Variants in F13A1 observed in about 807,000 individuals in gnomAD.
The protein encoded by F13A1 is FSF, A subunit.
Under a neutral mutation model 80.1 loss-of-function variants are expected in F13A1, and 47 were observed. The ratio of observed to expected loss-of-function variants is 0.59; its 90% CI spans 0.46 to 0.75. F13A1 has a LOEUF of 0.75. Ranked by LOEUF, F13A1 falls within the 30% of genes least tolerant of loss-of-function variation. The pLI, the probability that F13A1 is intolerant of heterozygous loss-of-function variation, is 0.00. For missense variants in F13A1, 817 were observed against 930.4 expected (o/e 0.88, Z 1.59); for synonymous variants, 349 against 344.9 (o/e 1.01, Z -0.13).
intron 13 of F13A1, among the ~76,000 whole-genome samples, chr6:6,157,983 T>A (rs574994080): frequency 6.6e-6 from 1 of 152,150 alleles, no homozygotes; most frequent in Non-Finnish European, 1.5e-5. Flanking sequence ...GGCTCACTCA[T>A]AGACATAGTT....
intron 8 of F13A1, among the ~76,000 whole-genome samples, chr6:6,217,613 G>T (rs1035342802): frequency 3.9e-5 from 6 of 151,988 alleles, no homozygotes; most frequent in African/African-American, 1.5e-4. Context: ...CACCAGCATG[G>T]CACATGTATA....
intron 3 of F13A1, among the ~76,000 whole-genome samples, chr6:6,283,592 G>A (rs73718707): frequency 0.027 from 4,078 of 151,496 alleles, 176 homozygotes; most frequent in African/African-American, 0.09. Flanking sequence ...AGTTTGTTTC[G>A]AAATTTAAAA....
chr6:6,160,916 A>T (rs1270458880), intron 13 of F13A1, among the ~76,000 whole-genome samples: 1 of 151,936 alleles, frequency 6.6e-6, no homozygotes, highest in African/African-American at 2.4e-5. Flanking sequence ...TTTAAAAATC[A>T]CACACATAAA....
intron 4 of F13A1, among the ~76,000 whole-genome samples, chr6:6,251,146 T>C (rs1207934723): frequency 2.6e-5 from 4 of 152,238 alleles, no homozygotes; most frequent in Non-Finnish European, 5.9e-5. Flanking sequence ...TGACATTTGT[T>C]AGCAAAATGC....
intron 14 of F13A1, among the ~76,000 whole-genome samples, chr6:6,146,718 G>A (rs1423322880): frequency 6.6e-6 from 1 of 152,158 alleles, no homozygotes; most frequent in Non-Finnish European, 1.5e-5. Context: ...CACATAATTG[G>A]TAAATGGGCA....
chr6:6,175,863 C>A (rs1760874390), intron 11 of F13A1, among the ~76,000 whole-genome samples: 1 of 152,154 alleles, frequency 6.6e-6, no homozygotes, highest in Admixed American at 6.5e-5. Flanking sequence ...GGAGGGTAAC[C>A]TCCAGAAGAA....
At chr6:6,166,046 G>A (rs1364000411) in intron 13 of F13A1, among the ~76,000 whole-genome samples, 1 of 152,246 alleles carries the variant, frequency 6.6e-6, no homozygotes, top group African/African-American at 2.4e-5. Context: ...AATTACACAG[G>A]ACCAGACCAT....
intron 8 of F13A1, among the ~76,000 whole-genome samples, chr6:6,200,113 G>A (rs1761366007): frequency 1.3e-5 from 2 of 152,224 alleles, no homozygotes; most frequent in African/African-American, 4.8e-5. Flanking sequence ...AAACCCAGGA[G>A]GTGAGGCCTA....
At chr6:6,215,173 C>G (rs1583075817) in intron 8 of F13A1, among the ~76,000 whole-genome samples, 1 of 132,210 alleles carries the variant, frequency 7.6e-6, no homozygotes, top group South Asian at 2.8e-4. Flanking sequence ...CTCCCTAACT[C>G]ATTTTATGAG....
intron 6 of F13A1, among the ~76,000 whole-genome samples, chr6:6,242,965 T>G (rs1757502589): frequency 6.6e-6 from 1 of 152,244 alleles, no homozygotes; most frequent in Non-Finnish European, 1.5e-5. Context: ...TATTTACTAG[T>G]CTGTGTTCTC....
intron 3 of F13A1, among the ~76,000 whole-genome samples, chr6:6,273,996 G>A (rs1757955127): frequency 6.6e-6 from 1 of 152,250 alleles, no homozygotes; most frequent in Non-Finnish European, 1.5e-5. Context: ...TCATCTCTTT[G>A]AGGACTGTAG....
chr6:6,240,931 G>C (rs1757476162), intron 6 of F13A1, among the ~76,000 whole-genome samples: 1 of 152,070 alleles, frequency 6.6e-6, no homozygotes, highest in Non-Finnish European at 1.5e-5. Flanking sequence ...AATCTTTTTA[G>C]AGTTGGTAAT....
At chr6:6,231,832 T>C (rs1757356791) in intron 6 of F13A1, among the ~76,000 whole-genome samples, 1 of 151,884 alleles carries the variant, frequency 6.6e-6, no homozygotes, top group Admixed American at 6.6e-5. Context: ...AAACTAAGCA[T>C]CATATATGAA....
At chr6:6,311,094 AT>A (rs1205518769) in intron 2 of F13A1, among the ~76,000 whole-genome samples, 2 of 151,694 alleles carry the variant, frequency 1.3e-5, no homozygotes, top group Admixed American at 1.3e-4. Flanking sequence ...TATATAGGTG[AT>A]TTTTTAGCCA....
rs569472851 is a variant in F13A1 at position 6,229,696 on chromosome 6, T to TGAGAG, written c.799-4841_799-4837dup. On this transcript the variant is annotated intron_variant, in intron 6 of 14. Transcript: ENST00000264870. ...GACTGCAAGAACAAACCAGCAATCC[T>TGAGAG]GAGAGGACCACAGACTCTCTGAAGG... Among the ~76,000 whole-genome samples the TGAGAG allele has an allele frequency of 1.4e-3, 216 of 152,214 alleles. 1 individual carries two copies. Among genetic ancestry groups the TGAGAG allele is most frequent in the Non-Finnish European group, 2.7e-3 (184 of 68,000 alleles).
intron 3 of F13A1, among the ~76,000 whole-genome samples, chr6:6,286,798 C>T (rs1466712555): frequency 6.6e-6 from 1 of 152,144 alleles, no homozygotes; most frequent in Admixed American, 6.5e-5. Flanking sequence ...GGCCAAGATA[C>T]TGAGAAGAAA....
At chr6:6,163,375 G>T (rs545512225) in intron 13 of F13A1, among the ~76,000 whole-genome samples, 1 of 152,224 alleles carries the variant, frequency 6.6e-6, no homozygotes, top group South Asian at 2.1e-4. Context: ...ACATGTGCAG[G>T]TTTGTTATAT....
intron 3 of F13A1, among the ~76,000 whole-genome samples, chr6:6,283,414 G>A (rs1758092858): frequency 6.6e-6 from 1 of 152,110 alleles, no homozygotes; most frequent in African/African-American, 2.4e-5. Flanking sequence ...TCAAATATCA[G>A]TGTTAATTTC....
intron 10 of F13A1, among the ~76,000 whole-genome samples, chr6:6,191,722 T>G (rs1244961844): frequency 2.0e-5 from 3 of 152,198 alleles, no homozygotes; most frequent in Non-Finnish European, 1.5e-5. Context: ...TGTTTCCAAG[T>G]GGAGATAACC....
Sources: gnomAD v4.1 joint callset for allele counts (sites outside exome capture counted in the v4.1 genomes callset) on GRCh38, gnomAD v4.1.1 for gene constraint, MANE v1.5 for transcripts, NCBI Gene and HGNC (gene_info 2026-07-23, HGNC 2026-07-21) for gene names.